Variants in NKAIN2 observed in about 807,000 individuals in gnomAD.
The protein encoded by NKAIN2 is sodium/potassium transporting ATPase interacting 2, also known as sodium/potassium-transporting ATPase subunit beta-1-interacting protein 2.
NKAIN2 carries 14 observed loss-of-function variants against 32.6 expected under a neutral mutation model. The ratio of observed to expected loss-of-function variants is 0.43; its 90% confidence interval spans 0.28 to 0.67. The LOEUF (loss-of-function observed/expected upper bound fraction) is 0.67. Among genes scored for constraint, NKAIN2 ranks in the 30% least tolerant of loss-of-function variants. NKAIN2 has a pLI of 0.17. For synonymous variants in NKAIN2, 80 were observed against 87.2 expected (o/e 0.92, Z 0.46); for missense variants, 198 against 258.3 (o/e 0.77, Z 1.60).
At chr6:124,243,115 T>C (rs1266446897) in intron 1 of NKAIN2, among the ~76,000 whole-genome samples, 1 of 150,086 alleles carries the variant, frequency 6.7e-6, no homozygotes, top group Non-Finnish European at 1.5e-5. Context: ...AAGAGATCTG[T>C]TGAGAAAGGT....
rs979438850 is a variant in NKAIN2, at chr6:124,731,895, A to G, written c.475-59444A>G. Among the ~76,000 whole-genome samples, 4 of 152,258 alleles carry G rather than the reference A, an allele frequency of 2.6e-5. No homozygotes were observed. In the East Asian group the frequency reaches 7.7e-4, roughly 29 times the overall value. On this transcript the variant is annotated intron_variant, in intron 4 of 6. Coordinates refer to ENST00000368417, the MANE Select transcript of NKAIN2 (RefSeq NM_001040214.3). ...AAACTATTAGTAGTGTCTACATAAC[A>G]GTATCTATAAAGTCCCAGTTAAATG...
At chr6:124,804,804 TTTAACGGGC>T (rs1285648507) in intron 5 of NKAIN2, among the ~76,000 whole-genome samples, 1 of 152,224 alleles carries the variant, frequency 6.6e-6, no homozygotes. Context: ...ACTGCACTTT[TTTAACGGGC>T]TTAAAAAATG....
At position 124,470,726 on chromosome 6, in the gene NKAIN2, C is replaced by T. The variant is rs531129643; in HGVS notation, c.273+115379C>T. 3.3e-5 allele frequency among the ~76,000 whole-genome samples: 5 copies of T among 152,104 alleles called. No individual in the cohort carries two copies. The South Asian group carries it at 1.0e-3, about 32-fold the overall frequency. On this transcript the variant is annotated intron_variant, in intron 3 of 6. Transcript: ENST00000368417. ...CTGCAAGCCATATAGCAAATGATCT[C>T]ATATATGAAATTGTTAGGATAATAT...
chr6:124,740,751 GAGA>G (rs1777168767), intron 4 of NKAIN2, among the ~76,000 whole-genome samples: 1 of 151,656 alleles, frequency 6.6e-6, no homozygotes, highest in Non-Finnish European at 1.5e-5. Flanking sequence ...AGGAATGAGA[GAGA>G]AGGAGCACAG....
chr6:124,773,814 C>G (rs1036499107), intron 4 of NKAIN2, among the ~76,000 whole-genome samples: 3 of 152,032 alleles, frequency 2.0e-5, no homozygotes, highest in Non-Finnish European at 4.4e-5. Flanking sequence ...AAATAGTGAT[C>G]AAAGTAAAAC....
At position 124,594,692 on chromosome 6, in the gene NKAIN2, C is replaced by G. The variant is rs548266615; in HGVS notation, c.274-63494C>G. Reference sequence around the variant, plus strand: ...TGTACCGAGAGTGAAATGTAACCTTCTTATTAATTATCATTAGGTGGATGT... The same window carrying G: ...TGTACCGAGAGTGAAATGTAACCTTGTTATTAATTATCATTAGGTGGATGT... On this transcript the variant is annotated intron_variant, in intron 3 of 6. Coordinates refer to ENST00000368417, the MANE Select transcript of NKAIN2 (RefSeq NM_001040214.3). Among the ~76,000 whole-genome samples the G allele has an allele frequency of 3.3e-5, 5 of 152,094 alleles. No individual in the cohort carries two copies. In the East Asian group the frequency reaches 9.7e-4, roughly 29 times the overall value.
chr6:123,956,208 G>A (rs1015540239), intron 1 of NKAIN2, among the ~76,000 whole-genome samples: 6 of 152,084 alleles, frequency 3.9e-5, no homozygotes, highest in South Asian at 2.1e-4. Flanking sequence ...AAGGAAAACC[G>A]GTATCTATTT....
intron 1 of NKAIN2, among the ~76,000 whole-genome samples, chr6:123,846,158 G>C (rs1775080415): frequency 6.6e-6 from 1 of 152,152 alleles, no homozygotes; most frequent in African/African-American, 2.4e-5. Flanking sequence ...CACTCAGTGT[G>C]TATATGCTGA....
intron 1 of NKAIN2, among the ~76,000 whole-genome samples, chr6:124,025,024 A>G (rs1474932306): frequency 6.6e-6 from 1 of 152,090 alleles, no homozygotes; most frequent in Non-Finnish European, 1.5e-5. Context: ...TTACTCAAGT[A>G]TGTTTCAGAT....
intron 1 of NKAIN2, among the ~76,000 whole-genome samples, chr6:124,186,915 T>C (rs1475155573): frequency 6.6e-6 from 1 of 152,136 alleles, no homozygotes; most frequent in Non-Finnish European, 1.5e-5. Flanking sequence ...TTATAATCCT[T>C]CTAGGATACC....
At chr6:124,004,934 G>A (rs958587234) in intron 1 of NKAIN2, among the ~76,000 whole-genome samples, 85 of 151,360 alleles carry the variant, frequency 5.6e-4, no homozygotes, top group African/African-American at 2.0e-3. Context: ...GTAAAAGAAA[G>A]GAAAACCTGG....
chr6:124,095,190 A>G (rs1455394413), intron 1 of NKAIN2, among the ~76,000 whole-genome samples: 2 of 152,170 alleles, frequency 1.3e-5, no homozygotes, highest in Non-Finnish European at 2.9e-5. Flanking sequence ...AGAGTAAATG[A>G]AACTTCTTAG....
intron 1 of NKAIN2, among the ~76,000 whole-genome samples, chr6:124,126,626 A>T (rs908582839): frequency 1.3e-5 from 2 of 152,174 alleles, no homozygotes. Flanking sequence ...ATCCTTCATT[A>T]CAGAGAGACA....
rs548342650 is a variant in NKAIN2, at chr6:123,953,371, C to T, written c.54+149117C>T. On this transcript the variant is annotated intron_variant, in intron 1 of 6. Coordinates refer to ENST00000368417, the MANE Select transcript of NKAIN2 (RefSeq NM_001040214.3). ...TTTTTGGGCCTCCAGGTGGCTCGCT[C>T]AGATTTCAGTAGTTCAGCCGTGGGC... Among the ~76,000 whole-genome samples the T allele has an allele frequency of 5.9e-5, 9 of 152,212 alleles. No homozygotes were observed. The South Asian group carries it at 1.9e-3, about 32-fold the overall frequency.
At chr6:124,390,048 TA>T in intron 3 of NKAIN2, among the ~76,000 whole-genome samples, 1 of 152,210 alleles carries the variant, frequency 6.6e-6, no homozygotes, top group African/African-American at 2.4e-5. Context: ...CAAGATACAG[TA>T]GACTTAATAG....
At chr6:124,594,841 AG>A (rs1782027400) in intron 3 of NKAIN2, among the ~76,000 whole-genome samples, 2 of 152,076 alleles carry the variant, frequency 1.3e-5, no homozygotes, top group Non-Finnish European at 2.9e-5. Flanking sequence ...CTGGGATCAG[AG>A]GAAATGGGTT....
chr6:124,004,430 G>A (rs977093348), intron 1 of NKAIN2, among the ~76,000 whole-genome samples: 2 of 152,162 alleles, frequency 1.3e-5, no homozygotes, highest in East Asian at 3.9e-4. Context: ...CAGAAGAAAA[G>A]AGGGAGGGTG....
chr6:124,555,334 C>CT (rs1780431871), intron 3 of NKAIN2, among the ~76,000 whole-genome samples: 1 of 67,460 alleles, frequency 1.5e-5, no homozygotes, highest in Non-Finnish European at 3.3e-5. Flanking sequence ...GAATGACAGC[C>CT]TCCTGACTGT....
intron 1 of NKAIN2, among the ~76,000 whole-genome samples, chr6:124,016,103 A>C (rs1455367681): frequency 1.3e-5 from 2 of 152,168 alleles, no homozygotes; most frequent in Non-Finnish European, 2.9e-5. Context: ...GATTTGGGGA[A>C]TATTACTTAC....
Sources: gnomAD v4.1 joint callset for allele counts (sites outside exome capture counted in the v4.1 genomes callset) on GRCh38, gnomAD v4.1.1 for gene constraint, MANE v1.5 for transcripts, NCBI Gene and HGNC (gene_info 2026-07-23, HGNC 2026-07-21) for gene names.